The following CD58 variants were observed in gnomAD, a reference collection of about 807,000 sequenced individuals.
The protein encoded by CD58 is lymphocyte function-associated antigen 3.
A neutral mutation model predicts 27.6 loss-of-function variants in CD58; 14 were observed. That is an observed-to-expected ratio of 0.51 (90% CI 0.34 to 0.79). The LOEUF (loss-of-function observed/expected upper bound fraction) is 0.79. Among genes scored for constraint, CD58 ranks in the 30% least tolerant of loss-of-function variants. CD58 has a pLI of 0.02. For missense variants in CD58, 268 were observed against 301.7 expected, an observed-to-expected ratio of 0.89 and a Z score of 0.83; for synonymous variants, 117 against 103.8, an observed-to-expected ratio of 1.13 and a Z score of -0.77.
In CD58 at chr1:116,559,260, C is replaced by G. The variant is rs1404958499; in HGVS notation, c.70+11643G>C. ...AAGGAGTTATTTCTTGAGAACACGC[C>G]TATCAAAGTAAGGTGGTTTGCTCCG... On this transcript the variant is annotated intron_variant, in intron 1 of 5. Coordinates refer to ENST00000369489, the MANE Select transcript of CD58 (RefSeq NM_001779.3). The surrounding 1 kb of genome is among the most constrained non-coding windows in gnomAD (Gnocchi z 4.4). Among the ~76,000 whole-genome samples, 1 of 152,088 alleles carries G rather than the reference C, an allele frequency of 6.6e-6. No individual in the cohort carries two copies. Among genetic ancestry groups the G allele is most frequent in the Non-Finnish European group, 1.5e-5 (1 of 68,022 alleles).
At chr1:116,548,548 T>C (rs958905937) in intron 1 of CD58, among the ~76,000 whole-genome samples, 2 of 152,246 alleles carry the variant, frequency 1.3e-5, no homozygotes, top group Non-Finnish European at 2.9e-5. Flanking sequence ...TTTCTCTAGC[T>C]TAATTTAGTG....
Position 116,521,986 on chromosome 1 carries a change from AT to A in CD58, c.629-4del. The A allele has an allele frequency of 6.6e-7, 1 of 1,514,328 alleles. No homozygotes were observed. Among genetic ancestry groups the A allele is most frequent in the Non-Finnish European group, 9.1e-7 (1 of 1,101,754 alleles). The allele number at this position is 1,514,328 out of a possible 1,614,324, so 93.8% of individuals were successfully genotyped here. ...TGCATATCTGTGTCTTGAATGACCTATAAAAAAGAAAAGAAAAGAAATTCAA... is the reference window on the plus strand; with the variant it reads ...TGCATATCTGTGTCTTGAATGACCTAAAAAAAGAAAAGAAAAGAAATTCAA... On this transcript the variant is annotated splice_polypyrimidine_tract_variant and splice_region_variant and intron_variant, in intron 3 of 5. Coordinates refer to ENST00000369489, the MANE Select transcript of CD58 (RefSeq NM_001779.3). The surrounding 1 kb of genome is among the most constrained non-coding windows in gnomAD (Gnocchi z 5.6).
intron 1 of CD58, among the ~76,000 whole-genome samples, chr1:116,553,873 G>A (rs1658471153): frequency 6.6e-6 from 1 of 152,048 alleles, no homozygotes; most frequent in African/African-American, 2.4e-5. Flanking sequence ...TAAGGAGACT[G>A]AGAGAGACCT....
rs150746576 is a variant in CD58, at chr1:116,530,891, C to T, written c.628+5074G>A. 1.2e-3 allele frequency among the ~76,000 whole-genome samples: 188 copies of T among 152,242 alleles called. 3 individuals carry two copies. The highest frequency in any genetic ancestry group is 4.2e-3 in the African/African-American group (173 of 41,560). ...AGAAGGTCCTCCAATATTTGGTTAACAGAAACCAGGGTCAGAAGCCCAGAC... is the reference window on the plus strand; with the variant it reads ...AGAAGGTCCTCCAATATTTGGTTAATAGAAACCAGGGTCAGAAGCCCAGAC... On this transcript the variant is annotated intron_variant, in intron 3 of 5. Coordinates refer to ENST00000369489, the MANE Select transcript of CD58 (RefSeq NM_001779.3).
chr1:116,562,720 T>G (rs1658797205), intron 1 of CD58, among the ~76,000 whole-genome samples: 1 of 152,158 alleles, frequency 6.6e-6, no homozygotes, highest in South Asian at 2.1e-4. Flanking sequence ...CATCAGATCT[T>G]GTGAGACTTA....
intron 2 of CD58, among the ~76,000 whole-genome samples, chr1:116,537,598 T>C (rs1657854231): frequency 6.6e-6 from 1 of 152,180 alleles, no homozygotes; most frequent in Admixed American, 6.5e-5. Flanking sequence ...ACCCTTCTTC[T>C]AGGAAGTGCC....
rs1265868143 is a variant in CD58, at chr1:116,521,356, T to A, written c.706+550A>T. ...TTTGGGATTTGAGAGGGATTACTCATTACCAGGAATGAACAGGCTGGGAAC... is the reference window on the plus strand; with the variant it reads ...TTTGGGATTTGAGAGGGATTACTCAATACCAGGAATGAACAGGCTGGGAAC... On this transcript the variant is annotated intron_variant, in intron 4 of 5. Coordinates refer to ENST00000369489, the MANE Select transcript of CD58 (RefSeq NM_001779.3). The surrounding 1 kb of genome is among the most constrained non-coding windows in gnomAD (Gnocchi z 5.6). Among the ~76,000 whole-genome samples the A allele has an allele frequency of 1.3e-5, 2 of 152,140 alleles. No homozygotes were observed. The highest frequency in any genetic ancestry group is 2.9e-5 in the Non-Finnish European group (2 of 68,026).
intron 3 of CD58, among the ~76,000 whole-genome samples, chr1:116,535,758 G>A (rs1395515035): frequency 7.9e-6 from 1 of 125,888 alleles, no homozygotes; most frequent in Non-Finnish European, 1.6e-5. Context: ...GGAGAATGGC[G>A]TGAACCCAGG....
intron 1 of CD58, among the ~76,000 whole-genome samples, chr1:116,547,623 CT>C (rs1658233376): frequency 6.6e-6 from 1 of 152,116 alleles, no homozygotes; most frequent in Non-Finnish European, 1.5e-5. Flanking sequence ...GCCACCGCGC[CT>C]GGCCTATTAT....
chr1:116,557,948 A>G lies in CD58; in HGVS notation c.70+12955T>C, dbSNP rs1185814144. Among the ~76,000 whole-genome samples the G allele has an allele frequency of 6.6e-6, 1 of 152,176 alleles. No homozygotes were observed. Among genetic ancestry groups the G allele is most frequent in the Non-Finnish European group, 1.5e-5 (1 of 68,040 alleles). On this transcript the variant is annotated intron_variant, in intron 1 of 5. Transcript: ENST00000369489. The surrounding 1 kb of genome is among the most constrained non-coding windows in gnomAD (Gnocchi z 5.2). ...CTGGGCCTTCTGAAGTGCTGAGATTACAAGCATGAGCCACCATGCCCAGCC... is the reference window on the plus strand; with the variant it reads ...CTGGGCCTTCTGAAGTGCTGAGATTGCAAGCATGAGCCACCATGCCCAGCC...
chr1:116,514,819 G>A lies in CD58; in HGVS notation c.747C>T (p.Ser249=). The change falls in exon 6 of 6, where the codon TCC becomes TCT. Residue 249 remains serine (S), a synonymous_variant. Transcript: ENST00000369489. ...CTTCATCTTCTGTTACCAATCAATT[G>A]GAGCTACAAAAAAAAATCATATTAT... The part of the protein sequence containing the change: ...KCDRKPDRTN[S]N 6.4e-7 allele frequency: 1 copy of A among 1,556,248 alleles called. No homozygotes were observed. Among genetic ancestry groups the A allele is most frequent in the Non-Finnish European group, 8.8e-7 (1 of 1,133,256 alleles).
intron 5 of CD58, among the ~76,000 whole-genome samples, chr1:116,518,273 C>T (rs1657151687): frequency 6.6e-6 from 1 of 152,014 alleles, no homozygotes; most frequent in African/African-American, 2.4e-5. Context: ...CTGTTTCTCT[C>T]AAACCTAGCT....
At chr1:116,558,489 T>C (rs1397771418) in intron 1 of CD58, among the ~76,000 whole-genome samples, 1 of 152,208 alleles carries the variant, frequency 6.6e-6, no homozygotes. Flanking sequence ...TACACACCCA[T>C]ATATGCATTT....
Position 116,541,217 on chromosome 1 carries a change from T to C in CD58, c.364+3094A>G, listed in dbSNP as rs1408202802. Among the ~76,000 whole-genome samples the C allele has an allele frequency of 6.6e-6, 1 of 152,262 alleles. No homozygotes were observed. The highest frequency in any genetic ancestry group is 2.4e-5 in the African/African-American group (1 of 41,464). ...CTCTATAAAAAGGGCTCTTAAAATG[T>C]GTGATCTAAATTCTGACTCAATCCT... is the stretch of plus-strand genomic sequence containing the variant. On this transcript the variant is annotated intron_variant, in intron 2 of 5. Coordinates refer to ENST00000369489, the MANE Select transcript of CD58 (RefSeq NM_001779.3). The surrounding 1 kb of genome is among the most constrained non-coding windows in gnomAD (Gnocchi z 5.3).
At position 116,544,320 on chromosome 1, in the gene CD58, A is replaced by G; in HGVS notation, c.355T>C (p.Tyr119His). The G allele has an allele frequency of 1.9e-6, 3 of 1,597,406 alleles. No individual in the cohort carries two copies. The highest frequency in any genetic ancestry group is 2.6e-6 in the Non-Finnish European group (3 of 1,173,708). ...CTTATGGAATACTCACCAAGCACAT[A>G]AAGAAAGAACTTCATGGTATCAGTA... ...NITDTMKFFL[Y>H]VLESLPSPTL... The change falls in exon 2 of 6, where the codon TAT (tyrosine) becomes CAT (histidine). Residue 119 changes from tyrosine to histidine, a missense_variant. Tyr to His is a moderately conservative substitution (Grantham distance 83). Transcript: ENST00000369489.
rs1657335420 is a variant in CD58 at position 116,523,567 on chromosome 1, A to C, written c.629-1584T>G. Among the ~76,000 whole-genome samples the C allele has an allele frequency of 6.6e-6, 1 of 152,184 alleles. No individual in the cohort carries two copies. Among genetic ancestry groups the C allele is most frequent in the African/African-American group, 2.4e-5 (1 of 41,458 alleles). Reference sequence around the variant, plus strand: ...CCCCGAACATCATTTTCCCTTCTTTAGTAGCAAAATTCAGATATTCCTTGG... The same window carrying C: ...CCCCGAACATCATTTTCCCTTCTTTCGTAGCAAAATTCAGATATTCCTTGG... On this transcript the variant is annotated intron_variant, in intron 3 of 5. Coordinates refer to ENST00000369489, the MANE Select transcript of CD58 (RefSeq NM_001779.3). This position sits in a 1 kb window ranked among gnomAD's most constrained non-coding sequence, Gnocchi z 4.4.
rs185742278 is a variant in CD58, at chr1:116,521,222, C to T, written c.706+684G>A. Among the ~76,000 whole-genome samples, 1,121 of 152,282 alleles carry T rather than the reference C, an allele frequency of 7.4e-3. 20 individuals are homozygous for T. The highest frequency in any genetic ancestry group is 0.03 in the Admixed American group (462 of 15,298). On this transcript the variant is annotated intron_variant, in intron 4 of 5. Coordinates refer to ENST00000369489, the MANE Select transcript of CD58 (RefSeq NM_001779.3). This position sits in a 1 kb window ranked among gnomAD's most constrained non-coding sequence, Gnocchi z 5.6. ...GATACTATCACTTGTAGAAAGTTTACTCTTCGGCATTCCCTGTCTGGCATA... is the reference window on the plus strand; with the variant it reads ...GATACTATCACTTGTAGAAAGTTTATTCTTCGGCATTCCCTGTCTGGCATA...
At chr1:116,556,367 G>GCGAC (rs1658567265) in intron 1 of CD58, among the ~76,000 whole-genome samples, 1 of 98,512 alleles carries the variant, frequency 1.0e-5, no homozygotes, top group African/African-American at 4.1e-5. Flanking sequence ...ACAATGTTAA[G>GCGAC]TAATGAAGCC....
chr1:116,523,025 T>C lies in CD58; in HGVS notation c.629-1042A>G, dbSNP rs1341340921. Among the ~76,000 whole-genome samples the C allele has an allele frequency of 2.0e-5, 3 of 152,228 alleles. No homozygotes were observed. The highest frequency in any genetic ancestry group is 7.2e-5 in the African/African-American group (3 of 41,466). ...TAGTTGCATTTAAGAACAGCTGTTATATACTGTCATTAACCTATTGAGTAG... is the reference window on the plus strand; with the variant it reads ...TAGTTGCATTTAAGAACAGCTGTTACATACTGTCATTAACCTATTGAGTAG... On this transcript the variant is annotated intron_variant, in intron 3 of 5. Transcript: ENST00000369489. This position sits in a 1 kb window ranked among gnomAD's most constrained non-coding sequence, Gnocchi z 4.4.
Sources: allele counts gnomAD v4.1 joint callset (sites outside exome capture counted in the v4.1 genomes callset), GRCh38; gene constraint gnomAD v4.1.1; non-coding constraint Gnocchi (gnomAD v3.1); transcripts MANE v1.5; gene names NCBI Gene and HGNC (gene_info 2026-07-23, HGNC 2026-07-21).